The following SLC7A14 variants were observed in gnomAD, a reference collection of about 807,000 sequenced individuals.
SLC7A14 encodes gamma-aminobutyric acid transporter SLC7A14.
In SLC7A14, 37 loss-of-function variants were observed where a neutral mutation model predicts 60.2. That is an observed-to-expected ratio of 0.61 (90% CI 0.47 to 0.81). The LOEUF is 0.81. Among genes scored for constraint, SLC7A14 ranks in the 30% least tolerant of loss-of-function variants. SLC7A14 has a pLI of 0.00. For synonymous variants in SLC7A14, 399 were observed against 395.8 expected, an observed-to-expected ratio of 1.01 and a Z score of -0.10; for missense variants, 886 against 982.7, an observed-to-expected ratio of 0.90 and a Z score of 1.32.
At chr3:170,533,983 A>G (rs576240920) in intron 1 of SLC7A14, among the ~76,000 whole-genome samples, 2 of 152,386 alleles carry the variant, frequency 1.3e-5, no homozygotes, top group East Asian at 3.9e-4. Context: ...CTATGAATCT[A>G]TAATGACTGC....
chr3:170,486,655 C>G (rs147250740), intron 4 of SLC7A14, among the ~76,000 whole-genome samples: 1 of 152,036 alleles, frequency 6.6e-6, no homozygotes, highest in African/African-American at 2.4e-5. Context: ...GGGTGGATCA[C>G]GAGGTCAGGA....
At chr3:170,577,346 C>T (rs774563279) in intron 1 of SLC7A14, among the ~76,000 whole-genome samples, 6 of 152,110 alleles carry the variant, frequency 3.9e-5, no homozygotes, top group Admixed American at 6.5e-5. Flanking sequence ...AGGCCGGGCG[C>T]GGTGGCTCAC....
intron 1 of SLC7A14, among the ~76,000 whole-genome samples, chr3:170,550,652 G>C (rs528248522): frequency 6.6e-6 from 1 of 150,880 alleles, no homozygotes; most frequent in Non-Finnish European, 1.5e-5. Context: ...CTCCTGAGTA[G>C]CTGGGATTAC....
At chr3:170,573,524 AG>A (rs1192657204) in intron 1 of SLC7A14, among the ~76,000 whole-genome samples, 1 of 152,212 alleles carries the variant, frequency 6.6e-6, no homozygotes, top group Non-Finnish European at 1.5e-5. Flanking sequence ...AGATTTGGTA[AG>A]GGGCTTTGGA....
chr3:170,569,022 C>T (rs2108314131), intron 1 of SLC7A14, among the ~76,000 whole-genome samples: 1 of 152,268 alleles, frequency 6.6e-6, no homozygotes, highest in African/African-American at 2.4e-5. Context: ...TGCCTAATTG[C>T]CCTGGCCAGA....
chr3:170,523,779 G>A (rs978485736), intron 2 of SLC7A14, among the ~76,000 whole-genome samples: 1 of 152,148 alleles, frequency 6.6e-6, no homozygotes, highest in African/African-American at 2.4e-5. Flanking sequence ...GAAGCAGTGG[G>A]AAGTTTTGCC....
intron 1 of SLC7A14, among the ~76,000 whole-genome samples, chr3:170,542,636 A>T (rs892682747): frequency 6.6e-5 from 10 of 152,218 alleles, no homozygotes; most frequent in Non-Finnish European, 1.2e-4. Flanking sequence ...CCTCCTTCTT[A>T]AAAAGATTTG....
At position 170,586,041 on chromosome 3, in the gene SLC7A14, C is replaced by G. The variant is rs1296453363; in HGVS notation, c.-283G>C. 1 of 153,080 alleles carries G rather than the reference C, an allele frequency of 6.5e-6. No homozygotes were observed. Among genetic ancestry groups the G allele is most frequent in the Non-Finnish European group, 1.5e-5 (1 of 68,826 alleles). 9.5% of individuals were successfully genotyped at this position (153,080 alleles called of 1,614,324 possible). On this transcript the variant is annotated 5_prime_UTR_variant, in exon 1 of 8. Coordinates refer to ENST00000231706, the MANE Select transcript of SLC7A14 (RefSeq NM_020949.3). ...GCGGCAAAGGAAGGCAGGAGGCAGC[C>G]GCTGCTGCTGAACAGCTCCTCAATT...
chr3:170,568,315 T>C (rs1477931469), intron 1 of SLC7A14, among the ~76,000 whole-genome samples: 1 of 152,196 alleles, frequency 6.6e-6, no homozygotes, highest in African/African-American at 2.4e-5. Context: ...GATCAGATAG[T>C]TGTAGATATG....
intron 1 of SLC7A14, among the ~76,000 whole-genome samples, chr3:170,546,551 T>C (rs932424677): frequency 6.6e-6 from 1 of 152,136 alleles, no homozygotes; most frequent in Non-Finnish European, 1.5e-5. Flanking sequence ...GAGAAAGAGA[T>C]AAGAAGGAAT....
intron 1 of SLC7A14, among the ~76,000 whole-genome samples, chr3:170,533,674 T>C (rs1421248068): frequency 6.6e-6 from 1 of 151,820 alleles, no homozygotes; most frequent in African/African-American, 2.4e-5. Context: ...TGTGTGTGTG[T>C]GTGTGGTGTG....
At chr3:170,492,906 A>C (rs755435543) in intron 4 of SLC7A14, among the ~76,000 whole-genome samples, 3 of 152,176 alleles carry the variant, frequency 2.0e-5, no homozygotes, top group Non-Finnish European at 2.9e-5. Flanking sequence ...CTCATGCCCC[A>C]GCTCTATTAG....
intron 2 of SLC7A14, among the ~76,000 whole-genome samples, chr3:170,517,165 A>G (rs1331304499): frequency 6.6e-6 from 1 of 152,224 alleles, no homozygotes; most frequent in Admixed American, 6.5e-5. Context: ...AACTGATAGT[A>G]ATAATAATAT....
Position 170,480,652 on chromosome 3 carries a change from T to C in SLC7A14, c.1630A>G (p.Met544Val). Residue 544 changes from methionine (M) to valine (V), a missense_variant, in exon 7 of 8, where the codon ATG becomes GTG. Transcript: ENST00000231706. ...KKLIGPHYYT[M>V]RIRLGLPGKM... ...CCTGGAAGGCCCAGCCGGATTCTCATGGTGTAATAATGAGGCCCAATCAGC... is the reference window on the plus strand; with the variant it reads ...CCTGGAAGGCCCAGCCGGATTCTCACGGTGTAATAATGAGGCCCAATCAGC... 2 of 1,614,256 alleles carry C rather than the reference T, an allele frequency of 1.2e-6. No individual in the cohort carries two copies. The highest frequency in any genetic ancestry group is 1.7e-6 in the Non-Finnish European group (2 of 1,180,040).
At chr3:170,572,532 A>G (rs898783339) in intron 1 of SLC7A14, among the ~76,000 whole-genome samples, 1 of 152,228 alleles carries the variant, frequency 6.6e-6, no homozygotes, top group Admixed American at 6.5e-5. Flanking sequence ...ATGTGTAAAG[A>G]GATGATAGTA....
At chr3:170,583,678 GA>G (rs1422007223) in intron 1 of SLC7A14, among the ~76,000 whole-genome samples, 1 of 152,234 alleles carries the variant, frequency 6.6e-6, no homozygotes, top group Non-Finnish European at 1.5e-5. Flanking sequence ...TTCTAAATAT[GA>G]AAGTACATGT....
intron 7 of SLC7A14, among the ~76,000 whole-genome samples, chr3:170,468,003 T>C (rs943468442): frequency 5.3e-5 from 8 of 152,224 alleles, no homozygotes; most frequent in African/African-American, 1.9e-4. Context: ...TTCTGTGTGC[T>C]CTCAGAGTGT....
At chr3:170,486,454 C>T in intron 4 of SLC7A14, 86 bp from the exon 5 acceptor site, 2 of 1,550,570 alleles carry the variant, frequency 1.3e-6, no homozygotes, top group Non-Finnish European at 8.9e-7. Context: ...GCTCTATGCC[C>T]TGCAGACATG....
chr3:170,470,737 G>A (rs1277994670), intron 7 of SLC7A14, among the ~76,000 whole-genome samples: 1 of 152,006 alleles, frequency 6.6e-6, no homozygotes, highest in African/African-American at 2.4e-5. Context: ...GAGGGAGGGA[G>A]GGAGAGAGAG....
Sources: gnomAD v4.1 joint callset for allele counts (sites outside exome capture counted in the v4.1 genomes callset) on GRCh38, gnomAD v4.1.1 for gene constraint, MANE v1.5 for transcripts, NCBI Gene and HGNC (gene_info 2026-07-23, HGNC 2026-07-21) for gene names.